POLD1: variants seen among roughly 807,000 people sequenced by gnomAD.
POLD1 encodes DNA polymerase delta catalytic subunit.
POLD1 carries 79 observed loss-of-function variants against 129.7 expected under a neutral mutation model. The ratio of observed to expected loss-of-function variants is 0.61; its 90% confidence interval spans 0.51 to 0.73. The LOEUF (loss-of-function observed/expected upper bound fraction) is 0.73, where lower values mean the gene tolerates loss of function less well. Among genes scored for constraint, POLD1 ranks in the 30% least tolerant of loss-of-function variants. The pLI is 0.00. For missense variants in POLD1, 1,338 were observed against 1,595.8 expected (o/e 0.84, Z 2.75); for synonymous variants, 714 against 683.3 (o/e 1.04, Z -0.70).
chr19:50,386,360 A>T (rs1411219876), intron 1 of POLD1, among the ~76,000 whole-genome samples: 1 of 151,824 alleles, frequency 6.6e-6, no homozygotes, highest in Non-Finnish European at 1.5e-5. Context: ...CTGGTCTCGA[A>T]TCCCTGACCT....
At position 50,417,049 on chromosome 19, in the gene POLD1, C is replaced by G; in HGVS notation, c.3072C>G (p.Ala1024=). The G allele has an allele frequency of 6.4e-7, 1 of 1,550,806 alleles. No individual in the cohort carries two copies. Among genetic ancestry groups the G allele is most frequent in the Admixed American group, 2.0e-5 (1 of 51,022 alleles). ...GCRTVLSHQG[A]VCEFCQPRES... The stretch of plus-strand genomic sequence containing the variant: ...GGCTGACCCGCCTCCCCACAGGAGC[C>G]GTGTGTGAGTTCTGCCAGCCCCGGG... Residue 1024 remains alanine, a synonymous_variant, in exon 25 of 27, where the codon GCC becomes GCG. Transcript: ENST00000440232.
intron 1 of POLD1, among the ~76,000 whole-genome samples, 195 bp downstream of exon 1, chr19:50,384,585 A>G (rs1601153566): frequency 6.7e-6 from 1 of 149,612 alleles, no homozygotes; most frequent in African/African-American, 2.5e-5. Flanking sequence ...GTGGGGGTGG[A>G]ATTCCTCGGC....
At position 50,399,416 on chromosome 19, in the gene POLD1, C is replaced by T. The variant is rs752685876; in HGVS notation, c.248C>T (p.Thr83Ile). The stretch of plus-strand genomic sequence containing the variant: ...ATAGATCCTCGCTGGCTTCGGCCCA[C>T]ACCACCAGCGCTGGACCCCCAGACA... Reference protein sequence around the residue: ...SAIDPRWLRPTPPALDPQTEP... With the variant: ...SAIDPRWLRPIPPALDPQTEP... Residue 83 changes from threonine to isoleucine, a missense_variant, in exon 3 of 27, where the codon ACA becomes ATA. Around this residue, in one of 3 missense-constraint regions of POLD1, gnomAD observed 332 missense variants for 315.7 expected, o/e 1.05. Transcript: ENST00000440232. 3 of 1,614,228 alleles carry T rather than the reference C, an allele frequency of 1.9e-6. No individual in the cohort carries two copies. The highest frequency in any genetic ancestry group is 1.1e-5 in the South Asian group (1 of 91,090).
Position 50,401,404 on chromosome 19 carries a change from T to A in POLD1, c.317-374T>A, listed in dbSNP as rs1481811811. 6.6e-4 allele frequency among the ~76,000 whole-genome samples: 88 copies of A among 133,414 alleles called. 1 individual carries two copies. The highest frequency in any genetic ancestry group is 2.4e-3 in the African/African-American group (82 of 34,524). 87.5% of individuals were successfully genotyped at this position (133,414 alleles called of 152,430 possible). ...ATATATATATATATTTTTTTTTTTT[T>A]TTTTTTTTTTTCTTTTTTTTGAGAC... On this transcript the variant is annotated intron_variant, in intron 3 of 26. Transcript: ENST00000440232.
At chr19:50,415,315 CCCCT>C in intron 20 of POLD1, 119 bp from the exon 21 acceptor site, 6 of 973,926 alleles carry the variant, frequency 6.2e-6, no homozygotes, top group Non-Finnish European at 9.2e-6. Flanking sequence ...GTAGGAAGGG[CCCCT>C]CTCTGCCCTG....
In POLD1 at chr19:50,409,703, G is replaced by T; in HGVS notation, c.2154+37G>T. 3 of 1,569,140 alleles carry T rather than the reference G, an allele frequency of 1.9e-6. No individual in the cohort carries two copies. Among genetic ancestry groups the T allele is most frequent in the Non-Finnish European group, 2.6e-6 (3 of 1,154,714 alleles). ...GGCCCCTGGAAGGCAACTGGGGGCA[G>T]GTGGGCCCCCTGTGTAGGAGACCAG... On this transcript the variant is annotated intron_variant, in intron 17 of 26. Transcript: ENST00000440232. This position sits in a 1 kb window ranked among gnomAD's most constrained non-coding sequence, Gnocchi z 5.8.
chr19:50,395,760 T>A (rs3219346), intron 1 of POLD1, among the ~76,000 whole-genome samples: 25 of 151,992 alleles, frequency 1.6e-4, no homozygotes, highest in African/African-American at 6.0e-4. Flanking sequence ...TATGGCCGTT[T>A]ACTCCTAAAT....
rs918661445 is a variant in POLD1, at chr19:50,416,643, C to T, written c.2987C>T (p.Thr996Met). 2.3e-5 allele frequency: 36 copies of T among 1,565,864 alleles called. No homozygotes were observed. The highest frequency in any genetic ancestry group is 1.8e-4 in the African/African-American group (13 of 73,750). ...CACACGCGCTGCAAGACGGTGCTCA[C>T]GGGCAAGGTGGGCGGCCTCCTGGCC... ...GDHTRCKTVL[T>M]GKVGGLLAFA... Residue 996 changes from threonine (T) to methionine (M), a missense_variant, in exon 24 of 27, where the codon ACG (threonine) becomes ATG (methionine). Thr to Met is a moderately conservative substitution (Grantham distance 81). Coordinates refer to ENST00000440232, the MANE Select transcript of POLD1 (RefSeq NM_002691.4).
intron 10 of POLD1, among the ~76,000 whole-genome samples, chr19:50,404,578 T>TC (rs2038799889): frequency 8.7e-6 from 1 of 114,722 alleles, no homozygotes. Context: ...CTCTTTCTTT[T>TC]TTTTTTTTTT....
At position 50,406,348 on chromosome 19, in the gene POLD1, C is replaced by T. The variant is rs763583971; in HGVS notation, c.1383+26C>T. 6 of 1,612,822 alleles carry T rather than the reference C, an allele frequency of 3.7e-6. No individual in the cohort carries two copies. The highest frequency in any genetic ancestry group is 2.2e-5 in the East Asian group (1 of 44,832). On this transcript the variant is annotated intron_variant, in intron 11 of 26. Coordinates refer to ENST00000440232, the MANE Select transcript of POLD1 (RefSeq NM_002691.4). This position sits in a 1 kb window ranked among gnomAD's most constrained non-coding sequence, Gnocchi z 5.5. Reference sequence around the variant, plus strand: ...GTATGGGCGGGAGGTGGGGTGTGTCCCTGTCCTTGGAAGGCCACTGCCCAG... The same window carrying T: ...GTATGGGCGGGAGGTGGGGTGTGTCTCTGTCCTTGGAAGGCCACTGCCCAG...
In POLD1 at chr19:50,406,244, A is replaced by G. The variant is rs2122318403; in HGVS notation, c.1305A>G (p.Ser435=). ...TTTGCTCCAACATCCGGGACTCTTC[A>G]TTCCAGTCCAAGCAGACGGGCCGGC... is the stretch of plus-strand genomic sequence containing the variant. ...AGLCSNIRDS[S]FQSKQTGRRD... Residue 435 remains serine, a synonymous_variant, in exon 11 of 27, where the codon TCA becomes TCG. Transcript: ENST00000440232. The surrounding 1 kb of genome is among the most constrained non-coding windows in gnomAD (Gnocchi z 5.5). 6.2e-7 allele frequency: 1 copy of G among 1,613,762 alleles called. No individual in the cohort carries two copies. The highest frequency in any genetic ancestry group is 8.5e-7 in the Non-Finnish European group (1 of 1,179,940).
At chr19:50,412,747 TTAAG>T (rs1378596165) in intron 17 of POLD1, among the ~76,000 whole-genome samples, 1 of 151,360 alleles carries the variant, frequency 6.6e-6, no homozygotes, top group Non-Finnish European at 1.5e-5. Context: ...GTGTTGTTGT[TTAAG>T]TATTTTTTAG....
At chr19:50,416,584 C>T (rs989546708) in intron 23 of POLD1, 26 bp from the exon 24 acceptor site, 3 of 1,547,894 alleles carry the variant, frequency 1.9e-6, no homozygotes, top group Non-Finnish European at 2.6e-6. Context: ...AGATCACCGG[C>T]CCACCACCTG....
At chr19:50,395,875 A>AG (rs1910789546) in intron 1 of POLD1, among the ~76,000 whole-genome samples, 2 of 69,198 alleles carry the variant, frequency 2.9e-5, no homozygotes, top group Admixed American at 2.0e-4. Context: ...GAGGATATAT[A>AG]CTTTTTTTTT....
rs878854526 is a variant in POLD1, at chr19:50,407,408, C to T, written c.1768C>T (p.Leu590Phe). ...CACGGGAGCCACTGTCATCGAGCCC[C>T]TCAAAGGGTGAGGCCCCAGGCTGGG... ...DYTGATVIEP[L>F]KGYYDVPIAT... Residue 590 changes from leucine (L) to phenylalanine (F), a missense_variant, in exon 14 of 27, where the codon CTC becomes TTC. By Grantham distance (22) the Leu-to-Phe change is conservative. This residue lies in a region of POLD1 where 720 missense variants were observed against 1,002.6 expected (regional missense o/e 0.72). Coordinates refer to ENST00000440232, the MANE Select transcript of POLD1 (RefSeq NM_002691.4). The T allele has an allele frequency of 6.2e-7, 1 of 1,602,940 alleles. No homozygotes were observed. The highest frequency in any genetic ancestry group is 8.5e-7 in the Non-Finnish European group (1 of 1,173,122).
In POLD1 at chr19:50,408,839, C is replaced by T. The variant is rs535635210; in HGVS notation, c.1830C>T (p.Ile610=). The change falls in exon 15 of 27, where the codon ATC becomes ATT. Residue 610 remains isoleucine, a synonymous_variant. Transcript: ENST00000440232. ...TLDFSSLYPS[I]MMAHNLCYTT... Reference sequence around the variant, plus strand: ...ACTTCTCCTCGCTGTACCCGTCCATCATGATGGCCCACAACCTGTGTTACA... The same window carrying T: ...ACTTCTCCTCGCTGTACCCGTCCATTATGATGGCCCACAACCTGTGTTACA... 2 of 1,614,114 alleles carry T rather than the reference C, an allele frequency of 1.2e-6. No individual in the cohort carries two copies. The highest frequency in any genetic ancestry group is 2.2e-5 in the South Asian group (2 of 91,090).
chr19:50,398,631 G>C (rs2038458387), intron 1 of POLD1, among the ~76,000 whole-genome samples: 1 of 150,816 alleles, frequency 6.6e-6, no homozygotes, highest in South Asian at 2.1e-4. Context: ...ATGGGAGAGA[G>C]GGTCGGGGAG....
intron 17 of POLD1, among the ~76,000 whole-genome samples, chr19:50,411,520 A>G (rs1448888780): frequency 6.6e-6 from 1 of 152,180 alleles, no homozygotes; most frequent in Admixed American, 6.5e-5. Context: ...TCTCAAGCTT[A>G]TGGGAGCAAG....
intron 20 of POLD1, 111 bp from the exon 21 acceptor site, chr19:50,415,327 C>CT (rs2039238810): frequency 1.7e-6 from 2 of 1,145,786 alleles, no homozygotes; most frequent in Non-Finnish European, 2.5e-6. Context: ...CCTCTCTGCC[C>CT]TGAGCCTCAG....
Sources: allele counts gnomAD v4.1 joint callset (sites outside exome capture counted in the v4.1 genomes callset), GRCh38; gene constraint gnomAD v4.1.1; regional missense constraint gnomAD v4.1.1; non-coding constraint Gnocchi (gnomAD v3.1); transcripts MANE v1.5; gene names NCBI Gene and HGNC (gene_info 2026-07-23, HGNC 2026-07-21).